Variants in FOCAD observed in about 807,000 individuals in gnomAD.
The protein encoded by FOCAD is focadhesin.
In FOCAD, 198 loss-of-function variants were observed where a neutral mutation model predicts 225.6. The observed-to-expected ratio is 0.88, with a 90% CI of 0.78 to 0.99. The LOEUF is 0.99. Among genes scored for constraint, FOCAD ranks in the 50% least tolerant of loss-of-function variants. FOCAD has a pLI of 0.00. For missense variants in FOCAD, 2,713 were observed against 2,123.6 expected, an observed-to-expected ratio of 1.28 and a Z score of -5.46; for synonymous variants, 897 against 755.0, an observed-to-expected ratio of 1.19 and a Z score of -3.08.
At chr9:20,857,645 G>T (rs1310246047) in intron 15 of FOCAD, among the ~76,000 whole-genome samples, 1 of 151,666 alleles carries the variant, frequency 6.6e-6, no homozygotes, top group African/African-American at 2.4e-5. Flanking sequence ...GTGAATGTGG[G>T]TATTCTTGTC....
intron 23 of FOCAD, among the ~76,000 whole-genome samples, chr9:20,915,028 A>G (rs915183301): frequency 3.3e-5 from 5 of 152,242 alleles, no homozygotes; most frequent in African/African-American, 1.2e-4. Context: ...AACTCTAAAC[A>G]AAAGTATGGC....
At chr9:20,963,350 G>C (rs1482600411) in intron 35 of FOCAD, among the ~76,000 whole-genome samples, 1 of 152,164 alleles carries the variant, frequency 6.6e-6, no homozygotes, top group Non-Finnish European at 1.5e-5. Flanking sequence ...TGTCAAAGGA[G>C]AGCTCATTAT....
At chr9:20,731,240 A>AAACAAC (rs146322610) in intron 4 of FOCAD, among the ~76,000 whole-genome samples, 3,019 of 150,386 alleles carry the variant, frequency 0.02, 43 homozygotes, top group African/African-American at 0.047. Flanking sequence ...TTTGTCTCCA[A>AAACAAC]AACAACAACA....
At chr9:20,708,771 C>T (rs893915519) in intron 1 of FOCAD, among the ~76,000 whole-genome samples, 2 of 149,672 alleles carry the variant, frequency 1.3e-5, no homozygotes, top group African/African-American at 4.9e-5. Context: ...GTGAGAGACC[C>T]TGTCTCTTAA....
At chr9:20,794,327 A>G (rs530177652) in intron 11 of FOCAD, among the ~76,000 whole-genome samples, 2 of 152,312 alleles carry the variant, frequency 1.3e-5, no homozygotes, top group Non-Finnish European at 2.9e-5. Flanking sequence ...AGATTTGAGA[A>G]ATTAAAAATG....
chr9:20,985,099 G>C (rs1841038945), intron 39 of FOCAD, among the ~76,000 whole-genome samples: 1 of 152,144 alleles, frequency 6.6e-6, no homozygotes, highest in Admixed American at 6.5e-5. Flanking sequence ...ACCATGCCCG[G>C]CCAGCAACTT....
chr9:20,926,804 GA>G (rs932950638), intron 26 of FOCAD, among the ~76,000 whole-genome samples: 19 of 142,490 alleles, frequency 1.3e-4, no homozygotes, highest in East Asian at 8.2e-4. Flanking sequence ...AAAAGAAAAA[GA>G]AAAAAAAAAG....
intron 36 of FOCAD, 50 bp downstream of exon 36, chr9:20,976,598 C>T (rs1455071806): frequency 6.3e-7 from 1 of 1,577,368 alleles, no homozygotes; most frequent in Admixed American, 1.7e-5. Context: ...TAGTATTTGA[C>T]CTGAATGGAA....
At chr9:20,662,325 G>C (rs1401402110) in intron 2 of FOCAD, among the ~76,000 whole-genome samples, 1 of 152,128 alleles carries the variant, frequency 6.6e-6, no homozygotes, top group African/African-American at 2.4e-5. Context: ...CTGCACAAAA[G>C]CCTCCAGCTG....
intron 20 of FOCAD, among the ~76,000 whole-genome samples, chr9:20,882,979 A>G (rs986640788): frequency 3.3e-5 from 5 of 152,170 alleles, no homozygotes; most frequent in African/African-American, 9.7e-5. Context: ...CTCAAATTAC[A>G]AAAGTTATAA....
rs559236641 is a variant in FOCAD, at chr9:20,752,823, C to A, written c.393-5267C>A. Among the ~76,000 whole-genome samples the A allele has an allele frequency of 2.0e-5, 3 of 152,124 alleles. No homozygotes were observed. In the South Asian group the frequency reaches 6.2e-4, roughly 32 times the overall value. ...AAGTTCTTCCATTTGTTTGTATCCT[C>A]TTTTATTTCCTTGAGCAGTGGTTTG... is the stretch of plus-strand genomic sequence containing the variant. On this transcript the variant is annotated intron_variant, in intron 5 of 43. Transcript: ENST00000338382.
intron 6 of FOCAD, 90 bp downstream of exon 6, chr9:20,758,281 TTC>T: frequency 3.6e-6 from 3 of 835,436 alleles, no homozygotes. Flanking sequence ...GTTTGTTTGT[TTC>T]TTTTTAGCTG....
intron 1 of FOCAD, among the ~76,000 whole-genome samples, chr9:20,712,154 C>T (rs1586915773): frequency 6.6e-6 from 1 of 152,296 alleles, no homozygotes; most frequent in East Asian, 1.9e-4. Context: ...ATTCGACTTT[C>T]TACGAGACAT....
At chr9:20,762,833 T>C (rs4644345) in intron 6 of FOCAD, among the ~76,000 whole-genome samples, 127,794 of 152,110 alleles carry the variant, frequency 0.84, 53,802 homozygotes, top group Admixed American at 0.9. Context: ...TCCCACCCTC[T>C]GTTTGGAGTC....
chr9:20,728,159 A>C (rs530466882), intron 4 of FOCAD, among the ~76,000 whole-genome samples: 21 of 152,266 alleles, frequency 1.4e-4, no homozygotes, highest in African/African-American at 5.1e-4. Flanking sequence ...ATTTTTTTTG[A>C]ATCTTCAACG....
At chr9:20,732,215 CATA>C (rs1380946281) in intron 4 of FOCAD, among the ~76,000 whole-genome samples, 1 of 152,112 alleles carries the variant, frequency 6.6e-6, no homozygotes, top group Non-Finnish European at 1.5e-5. Flanking sequence ...GAGAGATTGC[CATA>C]ATTGCCTAGT....
At chr9:20,794,297 A>G (rs1820836970) in intron 11 of FOCAD, among the ~76,000 whole-genome samples, 1 of 152,224 alleles carries the variant, frequency 6.6e-6, no homozygotes, top group Non-Finnish European at 1.5e-5. Context: ...ACCAAGAGAA[A>G]GAAGAAATTT....
At chr9:20,835,273 G>T (rs867931160) in intron 15 of FOCAD, among the ~76,000 whole-genome samples, 2 of 151,896 alleles carry the variant, frequency 1.3e-5, no homozygotes, top group African/African-American at 4.8e-5. Context: ...TAATAATCTT[G>T]TAATGTAGGT....
intron 3 of FOCAD, among the ~76,000 whole-genome samples, chr9:20,718,253 A>G (rs959026327): frequency 1.1e-4 from 17 of 152,248 alleles, no homozygotes; most frequent in African/African-American, 3.1e-4. Context: ...TAGATTTCTC[A>G]TGCTTCAGCT....
Sources: gnomAD v4.1 joint callset for allele counts (sites outside exome capture counted in the v4.1 genomes callset) on GRCh38, gnomAD v4.1.1 for gene constraint, MANE v1.5 for transcripts, NCBI Gene and HGNC (gene_info 2026-07-23, HGNC 2026-07-21) for gene names.